PAM: variants seen among roughly 807,000 people sequenced by gnomAD.
PAM encodes the protein peptidylglycine alpha-amidating monooxygenase.
Under a neutral mutation model 122.1 loss-of-function variants are expected in PAM, and 72 were observed. The observed-to-expected ratio is 0.59, with a 90% CI of 0.49 to 0.72. The LOEUF (loss-of-function observed/expected upper bound fraction) is 0.72. Among genes scored for constraint, PAM ranks in the 30% least tolerant of loss-of-function variants. The pLI, the probability that PAM is intolerant of heterozygous loss-of-function variation, is 0.00. For missense variants in PAM, 1,106 were observed against 1,183.7 expected (o/e 0.93, Z 0.96); for synonymous variants, 389 against 404.4 (o/e 0.96, Z 0.46).
At chr5:102,930,855 T>A (rs1751264177) in intron 7 of PAM, among the ~76,000 whole-genome samples, 1 of 152,242 alleles carries the variant, frequency 6.6e-6, no homozygotes, top group African/African-American at 2.4e-5. Flanking sequence ...TAAAACTTAA[T>A]ATTCCATAGG....
At chr5:102,935,018 C>T (rs372093496) in intron 7 of PAM, among the ~76,000 whole-genome samples, 1 of 152,188 alleles carries the variant, frequency 6.6e-6, no homozygotes, top group African/African-American at 2.4e-5. Flanking sequence ...ATAATCTTCT[C>T]TTCTGAACTT....
chr5:102,769,657 C>T (rs1755160137), intron 1 of PAM, among the ~76,000 whole-genome samples: 1 of 151,834 alleles, frequency 6.6e-6, no homozygotes, highest in Non-Finnish European at 1.5e-5. Context: ...AAAATGAGTT[C>T]ATTTAGATGC....
At chr5:102,963,479 A>G (rs1763124304) in intron 14 of PAM, among the ~76,000 whole-genome samples, 2 of 151,974 alleles carry the variant, frequency 1.3e-5, no homozygotes, top group Admixed American at 6.6e-5. Flanking sequence ...CTCAAACTTC[A>G]CTTATCACTT....
chr5:102,830,345 A>T (rs2150419411), intron 1 of PAM, among the ~76,000 whole-genome samples: 1 of 152,320 alleles, frequency 6.6e-6, no homozygotes, highest in African/African-American at 2.4e-5. Context: ...AAACTACGGT[A>T]TCTGCTAGGT....
intron 1 of PAM, among the ~76,000 whole-genome samples, chr5:102,836,897 A>AGAGAGAGAGAGAGAGAGAGG (rs757331974): frequency 1.4e-5 from 2 of 146,652 alleles, no homozygotes; most frequent in African/African-American, 4.9e-5. Context: ...AGAGAGAGAG[A>AGAGAGAGAGAGAGAGAGAGG]GGTGCAAAAT....
At chr5:102,808,919 C>A (rs1487808803) in intron 1 of PAM, among the ~76,000 whole-genome samples, 1 of 152,120 alleles carries the variant, frequency 6.6e-6, no homozygotes, top group Non-Finnish European at 1.5e-5. Flanking sequence ...GAATATGTAT[C>A]CATCCTTCTT....
rs372247056 is a variant in PAM at position 102,913,927 on chromosome 5, G to A, written c.269-7G>A. 27 of 1,560,702 alleles carry A rather than the reference G, an allele frequency of 1.7e-5. No homozygotes were observed. Among genetic ancestry groups the A allele is most frequent in the African/African-American group, 4.1e-5 (3 of 73,754 alleles). On this transcript the variant is annotated splice_region_variant and splice_polypyrimidine_tract_variant and intron_variant, in intron 4 of 25. Coordinates refer to ENST00000438793, the MANE Select transcript of PAM (RefSeq NM_001177306.2). ...ATTCACATACATGTATTATTTTCTCGTAACAGTTGACTTCAAGCCTCGAGC... is the reference window on the plus strand; with the variant it reads ...ATTCACATACATGTATTATTTTCTCATAACAGTTGACTTCAAGCCTCGAGC...
At chr5:102,811,039 C>G (rs1767762023) in intron 1 of PAM, among the ~76,000 whole-genome samples, 1 of 152,072 alleles carries the variant, frequency 6.6e-6, no homozygotes, top group African/African-American at 2.4e-5. Context: ...CTTCTACAGG[C>G]CAGTTTTCAT....
chr5:102,855,116 A>T (rs963915402), intron 1 of PAM, among the ~76,000 whole-genome samples: 1 of 152,188 alleles, frequency 6.6e-6, no homozygotes, highest in African/African-American at 2.4e-5. Flanking sequence ...CTTCCAGATT[A>T]TCTAGTTGAG....
At chr5:103,011,597 AT>A (rs1435404045) in intron 21 of PAM, among the ~76,000 whole-genome samples, 1 of 152,134 alleles carries the variant, frequency 6.6e-6, no homozygotes, top group Non-Finnish European at 1.5e-5. Context: ...ACAGAGTCTT[AT>A]TCTTTTTGTG....
At chr5:102,832,755 C>T (rs1016770093) in intron 1 of PAM, among the ~76,000 whole-genome samples, 6 of 152,002 alleles carry the variant, frequency 3.9e-5, no homozygotes, top group Admixed American at 2.0e-4. Context: ...GAATAAGTCC[C>T]AGGAAACATA....
At chr5:102,871,013 G>A (rs1470744555) in intron 3 of PAM, among the ~76,000 whole-genome samples, 1 of 152,112 alleles carries the variant, frequency 6.6e-6, no homozygotes, top group Non-Finnish European at 1.5e-5. Flanking sequence ...TTTGGTGTTG[G>A]ATTTCAAAAT....
At chr5:102,783,126 C>A (rs1389331739) in intron 1 of PAM, among the ~76,000 whole-genome samples, 1 of 151,510 alleles carries the variant, frequency 6.6e-6, no homozygotes, top group Non-Finnish European at 1.5e-5. Flanking sequence ...CCAGTTATTT[C>A]TCTCATGAAA....
intron 1 of PAM, among the ~76,000 whole-genome samples, chr5:102,841,132 C>G (rs1327722370): frequency 6.6e-6 from 1 of 151,978 alleles, no homozygotes; most frequent in African/African-American, 2.4e-5. Context: ...AGTATAGAAA[C>G]AAGAAATAGC....
At chr5:102,952,196 G>C (rs1016610358) in intron 12 of PAM, among the ~76,000 whole-genome samples, 1 of 152,016 alleles carries the variant, frequency 6.6e-6, no homozygotes, top group Admixed American at 6.6e-5. Context: ...TTTTTGCCTA[G>C]AGGGCTCTTT....
intron 5 of PAM, among the ~76,000 whole-genome samples, chr5:102,920,217 G>A (rs575055592): frequency 2.0e-5 from 3 of 152,064 alleles, no homozygotes; most frequent in African/African-American, 7.2e-5. Context: ...GGGTAGATGA[G>A]GTAATATAAG....
chr5:102,777,714 A>G (rs992412834), intron 1 of PAM, among the ~76,000 whole-genome samples: 7 of 152,230 alleles, frequency 4.6e-5, no homozygotes, highest in African/African-American at 1.4e-4. Context: ...GAATGTCACC[A>G]TTCATTCCCG....
Position 102,930,098 on chromosome 5 carries a change from G to T in PAM, c.526+3430G>T, listed in dbSNP as rs111245709. Among the ~76,000 whole-genome samples, 775 of 151,984 alleles carry T rather than the reference G, an allele frequency of 5.1e-3. 7 individuals carry two copies. Among genetic ancestry groups the T allele is most frequent in the African/African-American group, 0.018 (742 of 41,450 alleles). ...ACTTTGTTTTTTTGTTTGTTTGTTT[G>T]GTGTTTTGGAAATTACACAGAATGT... On this transcript the variant is annotated intron_variant, in intron 7 of 25. Transcript: ENST00000438793.
chr5:102,955,244 T>C (rs2150145819), intron 12 of PAM, among the ~76,000 whole-genome samples: 1 of 152,160 alleles, frequency 6.6e-6, no homozygotes, highest in South Asian at 2.1e-4. Context: ...CTTGGTGCTT[T>C]ATTAAATCTG....
Sources: allele counts gnomAD v4.1 joint callset (sites outside exome capture counted in the v4.1 genomes callset), GRCh38; gene constraint gnomAD v4.1.1; transcripts MANE v1.5; gene names NCBI Gene and HGNC (gene_info 2026-07-23, HGNC 2026-07-21).